Variants in PLEKHS1 observed in about 807,000 individuals in gnomAD.
PLEKHS1 encodes the protein pleckstrin homology domain-containing family S member 1.
PLEKHS1 carries 55 observed loss-of-function variants against 51.0 expected under a neutral mutation model. The ratio of observed to expected loss-of-function variants is 1.08; its 90% CI spans 0.87 to 1.35. The LOEUF (loss-of-function observed/expected upper bound fraction) is 1.35. PLEKHS1 is among the 40% of genes most tolerant of loss of function. The probability of loss-of-function intolerance (pLI) is 0.00; values close to 1 mark genes in which losing one functional copy is unlikely to be tolerated. For synonymous variants in PLEKHS1, 153 were observed against 144.8 expected (o/e 1.06, Z -0.41); for missense variants, 398 against 423.0 (o/e 0.94, Z 0.52).
At position 113,769,783 on chromosome 10, in the gene PLEKHS1, G is replaced by T; in HGVS notation, c.436-1G>T. On this transcript the variant is annotated splice_acceptor_variant, in intron 6 of 11. Coordinates refer to ENST00000361048, the Ensembl canonical transcript of PLEKHS1. LOFTEE classifies it high-confidence loss of function. ...TGACTGATTCCTTTTTTTGTGAGCA[G>T]GAGGAACTCTCATTGGGTAATAAAA... 6.2e-7 allele frequency: 1 copy of T among 1,600,816 alleles called. No individual in the cohort carries two copies. Among genetic ancestry groups the T allele is most frequent in the Non-Finnish European group, 8.6e-7 (1 of 1,168,178 alleles).
At chr10:113,774,098 TGA>T in intron 8 of PLEKHS1, 127 bp from the exon 9 acceptor site, 1 of 592,178 alleles carries the variant, frequency 1.7e-6, no homozygotes, top group East Asian at 3.3e-5. Flanking sequence ...ATTTCTCAAA[TGA>T]GAACCACGTT....
At chr10:113,761,693 TTA>T (rs1843940198) in intron 2 of PLEKHS1, among the ~76,000 whole-genome samples, 1 of 152,112 alleles carries the variant, frequency 6.6e-6, no homozygotes, top group African/African-American at 2.4e-5. Flanking sequence ...ACATATGAGA[TTA>T]TGTCACTTGC....
At chr10:113,764,253 A>G (rs1844067613) in intron 2 of PLEKHS1, among the ~76,000 whole-genome samples, 4 of 152,090 alleles carry the variant, frequency 2.6e-5, no homozygotes, top group Admixed American at 2.6e-4. Context: ...GGCTTGCACC[A>G]CCATGCCCGG....
chr10:113,755,185 T>G (rs1266577957), intron 1 of PLEKHS1, 74 bp from the exon 2 acceptor site: 2 of 1,495,312 alleles, frequency 1.3e-6, no homozygotes, highest in Non-Finnish European at 1.8e-6. Context: ...TGATACTCAC[T>G]GACCAGCGGT....
chr10:113,769,946 G>C, intron 7 of PLEKHS1, 46 bp downstream of exon 7: 1 of 1,349,430 alleles, frequency 7.4e-7, no homozygotes. Context: ...CTGGGAGGCA[G>C]CTAATGCCTA....
At chr10:113,767,148 T>C (rs1844199938) in intron 4 of PLEKHS1, among the ~76,000 whole-genome samples, 197 bp from the exon 5 acceptor site, 1 of 152,180 alleles carries the variant, frequency 6.6e-6, no homozygotes, top group Non-Finnish European at 1.5e-5. Flanking sequence ...AATTTTTGAA[T>C]CTTAGGCTAA....
intron 8 of PLEKHS1, among the ~76,000 whole-genome samples, chr10:113,772,302 A>G (rs1168843496): frequency 6.6e-6 from 1 of 152,190 alleles, no homozygotes; most frequent in Admixed American, 6.5e-5. Context: ...CTTATAAAAT[A>G]CCAGGGGTGC....
chr10:113,778,986 G>A (rs1370994934), intron 11 of PLEKHS1, among the ~76,000 whole-genome samples: 2 of 152,178 alleles, frequency 1.3e-5, no homozygotes, highest in East Asian at 1.9e-4. Flanking sequence ...AAATTCAAGA[G>A]CTACAAAAAT....
intron 2 of PLEKHS1, among the ~76,000 whole-genome samples, chr10:113,762,938 A>T (rs73361833): frequency 0.064 from 9,779 of 152,098 alleles, 1,039 homozygotes; most frequent in African/African-American, 0.22. Flanking sequence ...CTCTTCTTGA[A>T]TGAAAACTCT....
exon 7 of PLEKHS1, chr10:113,769,857 A>C: frequency 6.2e-7 from 1 of 1,614,070 alleles, no homozygotes; most frequent in Non-Finnish European, 8.5e-7. Context: ...AGCACATCAG[A>C]GGCTGTTGGC....
chr10:113,774,521 C>T (rs1307433933), intron 9 of PLEKHS1, among the ~76,000 whole-genome samples, 188 bp downstream of exon 9: 1 of 152,172 alleles, frequency 6.6e-6, no homozygotes, highest in Non-Finnish European at 1.5e-5. Context: ...AGAAAACCAC[C>T]GATGACATCC....
In PLEKHS1 at chr10:113,767,493, G is replaced by A. The variant is rs1396071912; in HGVS notation, c.359+14G>A. 1 of 1,594,822 alleles carries A rather than the reference G, an allele frequency of 6.3e-7. No individual in the cohort carries two copies. Among genetic ancestry groups the A allele is most frequent in the Non-Finnish European group, 8.5e-7 (1 of 1,173,432 alleles). On this transcript the variant is annotated intron_variant, in intron 5 of 11. Transcript: ENST00000361048. Reference sequence around the variant, plus strand: ...TGGCCACGACAGGTGAGAGAAGTAAGATAACACAGAATATCTACTGCATGC... The same window carrying A: ...TGGCCACGACAGGTGAGAGAAGTAAAATAACACAGAATATCTACTGCATGC...
intron 7 of PLEKHS1, among the ~76,000 whole-genome samples, chr10:113,770,520 C>T (rs904709966): frequency 6.6e-6 from 1 of 152,154 alleles, no homozygotes; most frequent in East Asian, 1.9e-4. Context: ...TTCTCTGGCA[C>T]GGATACTATT....
intron 2 of PLEKHS1, chr10:113,765,136 G>A (rs558283803): frequency 1.0e-5 from 4 of 395,498 alleles, no homozygotes; most frequent in East Asian, 7.5e-5. Context: ...GCCAAACATC[G>A]CAAATTTTAC....
In PLEKHS1 at chr10:113,774,787, A is replaced by T. The variant is rs1249569727; in HGVS notation, c.780-39A>T. The T allele has an allele frequency of 3.2e-6, 5 of 1,567,334 alleles. No individual in the cohort carries two copies. The East Asian group carries it at 6.7e-5, about 21-fold the overall frequency. The stretch of plus-strand genomic sequence containing the variant: ...ACACAGGGGAACACTGTAAAAACAC[A>T]TGCTAAAATAGGGCTTGTTTTAACT... On this transcript the variant is annotated intron_variant, in intron 9 of 11. Transcript: ENST00000361048.
chr10:113,765,202 A>T, intron 2 of PLEKHS1: 1 of 493,248 alleles, frequency 2.0e-6, no homozygotes. Context: ...TTGTTCTGGG[A>T]TACAGTTAAA....
At chr10:113,774,701 T>C (rs1045478382) in intron 9 of PLEKHS1, 125 bp from the exon 10 acceptor site, 11 of 790,562 alleles carry the variant, frequency 1.4e-5, no homozygotes, top group East Asian at 2.5e-5. Flanking sequence ...ATTCTGATAG[T>C]TGGACATACG....
intron 11 of PLEKHS1, among the ~76,000 whole-genome samples, chr10:113,778,277 G>A (rs1844759450): frequency 6.6e-6 from 1 of 152,150 alleles, no homozygotes; most frequent in Non-Finnish European, 1.5e-5. Flanking sequence ...AGTATGCTGG[G>A]TCTTCAACTG....
intron 2 of PLEKHS1, among the ~76,000 whole-genome samples, chr10:113,763,343 G>A (rs943512030): frequency 1.3e-5 from 2 of 152,048 alleles, no homozygotes; most frequent in African/African-American, 4.8e-5. Context: ...TTTAAAGTGT[G>A]TTTCTTACAG....
Sources: allele counts gnomAD v4.1 joint callset (sites outside exome capture counted in the v4.1 genomes callset), GRCh38; gene constraint gnomAD v4.1.1; transcripts MANE v1.5; gene names NCBI Gene and HGNC (gene_info 2026-07-23, HGNC 2026-07-21).